The following COX10 variants were observed in gnomAD, a reference collection of about 807,000 sequenced individuals.
The protein encoded by COX10 is cytochrome c oxidase assembly factor heme A:farnesyltransferase COX10.
Under a neutral mutation model 37.3 loss-of-function variants are expected in COX10, and 27 were observed. That is an observed-to-expected ratio of 0.72 (90% CI 0.53 to 1.00). The LOEUF is 1.00. Ranked by LOEUF, COX10 falls within the 50% of genes least tolerant of loss-of-function variation. COX10 has a pLI of 0.00. For synonymous variants in COX10, 222 were observed against 229.1 expected, an observed-to-expected ratio of 0.97 and a Z score of 0.28; for missense variants, 475 against 563.2, an observed-to-expected ratio of 0.84 and a Z score of 1.59.
intron 4 of COX10, among the ~76,000 whole-genome samples, chr17:14,103,042 T>C (rs906626349): frequency 6.6e-6 from 1 of 152,180 alleles, no homozygotes; most frequent in Non-Finnish European, 1.5e-5. Context: ...CCTATAGTCA[T>C]TATGGTTCTA....
chr17:14,098,535 A>G (rs1313010138), intron 3 of COX10, among the ~76,000 whole-genome samples: 2 of 152,286 alleles, frequency 1.3e-5, no homozygotes, highest in Admixed American at 6.5e-5. Context: ...ATATCTACAA[A>G]GAACGAAAAA....
At chr17:14,169,381 C>T (rs2142246672) in intron 5 of COX10, among the ~76,000 whole-genome samples, 1 of 152,280 alleles carries the variant, frequency 6.6e-6, no homozygotes, top group African/African-American at 2.4e-5. Flanking sequence ...CCACATCTTC[C>T]TGTCTTTTTC....
At chr17:14,172,048 G>T (rs542792722) in intron 5 of COX10, among the ~76,000 whole-genome samples, 2 of 152,034 alleles carry the variant, frequency 1.3e-5, no homozygotes, top group Non-Finnish European at 2.9e-5. Flanking sequence ...TCAGTTTTGC[G>T]TGGGTTATTA....
intron 4 of COX10, among the ~76,000 whole-genome samples, chr17:14,156,123 T>C (rs1905035396): frequency 6.6e-6 from 1 of 152,232 alleles, no homozygotes; most frequent in South Asian, 2.1e-4. Context: ...CTTATGTACA[T>C]TATCTTAATC....
chr17:14,131,801 G>A (rs1163966921), intron 4 of COX10, among the ~76,000 whole-genome samples: 3 of 151,926 alleles, frequency 2.0e-5, no homozygotes, highest in Non-Finnish European at 4.4e-5. Context: ...AAGAACGTTG[G>A]GGTACTGACA....
At chr17:14,145,201 G>A (rs752016904) in intron 4 of COX10, among the ~76,000 whole-genome samples, 5 of 151,580 alleles carry the variant, frequency 3.3e-5, no homozygotes, top group Non-Finnish European at 7.4e-5. Flanking sequence ...GTGGGTGGGG[G>A]CGCTGTGTAG....
rs1391947671 is a variant in COX10 at position 14,207,195 on chromosome 17, A to AT, written c.1314_1315insT (p.Gly439TrpfsTer26). ...AGCGGCCGAGCGGAGGCGGGGACGC[A>AT]GGGCCCCCTCCCAGCTGAGAGCACT... On this transcript the variant is annotated frameshift_variant, in exon 7 of 7. Coordinates refer to ENST00000261643, the MANE Select transcript of COX10 (RefSeq NM_001303.4). LOFTEE classifies it high-confidence loss of function. 1 of 1,598,144 alleles carries AT rather than the reference A, an allele frequency of 6.3e-7. No homozygotes were observed. The highest frequency in any genetic ancestry group is 1.1e-5 in the South Asian group (1 of 90,280).
At chr17:14,137,376 T>C (rs865848126) in intron 4 of COX10, among the ~76,000 whole-genome samples, 3 of 151,734 alleles carry the variant, frequency 2.0e-5, no homozygotes, top group African/African-American at 4.8e-5. Flanking sequence ...CCAGATGATA[T>C]TTAATGACAT....
chr17:14,166,134 G>A (rs899401236), intron 5 of COX10, among the ~76,000 whole-genome samples: 22 of 152,356 alleles, frequency 1.4e-4, no homozygotes, highest in Middle Eastern at 6.8e-3. Flanking sequence ...ATTGATGAAG[G>A]TGGCCACACT....
At chr17:14,147,796 A>T (rs73979167) in intron 4 of COX10, among the ~76,000 whole-genome samples, 30 of 121,530 alleles carry the variant, frequency 2.5e-4, no homozygotes, top group Non-Finnish European at 3.8e-4. Context: ...TTTAAAAAAA[A>T]TTTTTAAGAA....
At chr17:14,145,451 A>G (rs567865308) in intron 4 of COX10, among the ~76,000 whole-genome samples, 1 of 152,270 alleles carries the variant, frequency 6.6e-6, no homozygotes, top group Admixed American at 6.5e-5. Flanking sequence ...CAATGCTGTG[A>G]TGGGTCTTGA....
chr17:14,206,260 C>T (rs1055193443), intron 6 of COX10, among the ~76,000 whole-genome samples: 3 of 152,144 alleles, frequency 2.0e-5, no homozygotes, highest in Admixed American at 6.5e-5. Flanking sequence ...ACAGAACAGG[C>T]GGAGCGGACT....
At chr17:14,174,671 A>C (rs1253622218) in intron 5 of COX10, among the ~76,000 whole-genome samples, 5 of 152,256 alleles carry the variant, frequency 3.3e-5, no homozygotes, top group African/African-American at 1.2e-4. Flanking sequence ...GAATACCTGA[A>C]GCTCTCTTTT....
intron 3 of COX10, among the ~76,000 whole-genome samples, chr17:14,088,857 C>T (rs1915468101): frequency 6.6e-6 from 1 of 152,142 alleles, no homozygotes; most frequent in African/African-American, 2.4e-5. Context: ...AGATGACTTC[C>T]ATACCGTCAT....
intron 4 of COX10, among the ~76,000 whole-genome samples, chr17:14,119,295 G>T (rs1916179638): frequency 6.6e-6 from 1 of 151,896 alleles, no homozygotes; most frequent in African/African-American, 2.4e-5. Context: ...ACATTTCCTG[G>T]TCCTACTTAA....
chr17:14,199,260 G>A (rs1030097865), intron 6 of COX10, among the ~76,000 whole-genome samples: 2 of 152,116 alleles, frequency 1.3e-5, no homozygotes, highest in African/African-American at 4.8e-5. Context: ...GATAGATGAC[G>A]GTGTGCCAGC....
intron 1 of COX10, among the ~76,000 whole-genome samples, chr17:14,072,752 A>G (rs952996751): frequency 6.6e-6 from 1 of 152,142 alleles, no homozygotes; most frequent in Admixed American, 6.5e-5. Flanking sequence ...ATTGTGATGT[A>G]TTTCTTGGGG....
chr17:14,139,917 G>A (rs866257790), intron 4 of COX10, among the ~76,000 whole-genome samples: 1 of 152,244 alleles, frequency 6.6e-6, no homozygotes, highest in South Asian at 2.1e-4. Flanking sequence ...CAAAGCCATA[G>A]AAAATGTCAT....
intron 6 of COX10, among the ~76,000 whole-genome samples, chr17:14,194,288 C>T (rs556766621): frequency 1.1e-3 from 167 of 152,292 alleles, no homozygotes; most frequent in Admixed American, 1.6e-3. Flanking sequence ...TCAGCATGTG[C>T]AGGCTGGAGT....
Sources: gnomAD v4.1 joint callset for allele counts (sites outside exome capture counted in the v4.1 genomes callset) on GRCh38, gnomAD v4.1.1 for gene constraint, MANE v1.5 for transcripts, NCBI Gene and HGNC (gene_info 2026-07-23, HGNC 2026-07-21) for gene names.